The following DENND3 variants were observed in gnomAD, a reference collection of about 807,000 sequenced individuals.
DENND3 encodes DENN domain containing 3.
Under a neutral mutation model 135.1 loss-of-function variants are expected in DENND3, and 88 were observed. The observed-to-expected ratio is 0.65, with a 90% CI of 0.55 to 0.78. The LOEUF (loss-of-function observed/expected upper bound fraction) is 0.78, where lower values mean the gene tolerates loss of function less well. Ranked by LOEUF, DENND3 falls within the 30% of genes least tolerant of loss-of-function variation. DENND3 has a pLI of 0.00. For missense variants in DENND3, 1,392 were observed against 1,688.4 expected (o/e 0.82, Z 3.08); for synonymous variants, 693 against 712.3 (o/e 0.97, Z 0.43).
In DENND3 at chr8:141,175,395, G is replaced by T. The variant is rs768943418; in HGVS notation, c.2471G>T (p.Arg824Leu). 4.3e-6 allele frequency: 7 copies of T among 1,614,144 alleles called. No individual in the cohort carries two copies. The highest frequency in any genetic ancestry group is 5.9e-6 in the Non-Finnish European group (7 of 1,180,024). ...GVGKIAMTQK[R>L]LFLLTEGRPG... ...GGCAAGATCGCCATGACCCAGAAGC[G>T]CCTGTTCCTCCTAACCGAAGGAAGG... is the stretch of plus-strand genomic sequence containing the variant. Residue 824 changes from arginine (R) to leucine (L), a missense_variant, in exon 14 of 23, where the codon CGC becomes CTC. Coordinates refer to ENST00000519811, the MANE Select transcript of DENND3 (RefSeq NM_001352890.3). The surrounding 1 kb of genome is among the most constrained non-coding windows in gnomAD (Gnocchi z 5.4).
In DENND3 at chr8:141,188,907, C is replaced by G. The variant is rs752998857; in HGVS notation, c.3085-79C>G. The stretch of plus-strand genomic sequence containing the variant: ...TGGTTCCATATCCGCTAATTCAGCA[C>G]GTGCAGTAAATGTATAGAATATGAC... On this transcript the variant is annotated intron_variant, in intron 18 of 22. Coordinates refer to ENST00000519811, the MANE Select transcript of DENND3 (RefSeq NM_001352890.3). 2.6e-6 allele frequency: 4 copies of G among 1,522,428 alleles called. No homozygotes were observed. The East Asian group carries it at 9.3e-5, about 36-fold the overall frequency. 94.3% of individuals were successfully genotyped at this position (1,522,428 alleles called of 1,614,324 possible).
chr8:141,192,753 C>G, intron 22 of DENND3, 90 bp downstream of exon 22: 1 of 1,607,048 alleles, frequency 6.2e-7, no homozygotes, highest in African/African-American at 1.3e-5. Context: ...CAGCCGCACG[C>G]CCTCGTGCCC....
At chr8:141,186,126 T>G (rs149847425) in intron 18 of DENND3, among the ~76,000 whole-genome samples, 356 of 151,940 alleles carry the variant, frequency 2.3e-3, no homozygotes, top group Non-Finnish European at 4.1e-3. Flanking sequence ...TTTGTAGAGA[T>G]GAGGTTTTGC....
chr8:141,155,910 C>T lies in DENND3; in HGVS notation c.1136C>T (p.Thr379Met), dbSNP rs369314599. ...GGGAGCATCACCTACTCCAAGTCCA[C>T]GGACGATAACGTGGACATTCCTGAT... ...DHGSITYSKSTDDNVDIPDVP... is the reference protein window; with the variant it reads ...DHGSITYSKSMDDNVDIPDVP... Residue 379 changes from threonine (T) to methionine (M), a missense_variant, in exon 8 of 23, where the codon ACG becomes ATG. Physicochemically the swap from Thr to Met is moderately conservative, Grantham distance 81. Transcript: ENST00000519811. The T allele has an allele frequency of 2.2e-5, 35 of 1,612,308 alleles. No individual in the cohort carries two copies. The highest frequency in any genetic ancestry group is 2.7e-5 in the African/African-American group (2 of 74,864).
chr8:141,151,184 G>A (rs1239371409), intron 6 of DENND3, among the ~76,000 whole-genome samples: 1 of 152,218 alleles, frequency 6.6e-6, no homozygotes, highest in African/African-American at 2.4e-5. Context: ...TGGAGCTGAG[G>A]GACCAGGGAA....
Position 141,189,443 on chromosome 8 carries a change from C to T in DENND3, c.3245+297C>T, listed in dbSNP as rs117134706. Among the ~76,000 whole-genome samples, 127 of 152,370 alleles carry T rather than the reference C, an allele frequency of 8.3e-4. 3 individuals are homozygous for T. In the East Asian group the frequency reaches 0.02, roughly 24 times the overall value. ...GCAGCCCCGAGAGGGCACAGCCTCC[C>T]AGAGGTGCACCAGCCATGGTGTCAG... On this transcript the variant is annotated intron_variant, in intron 19 of 22. Transcript: ENST00000519811.
Position 141,178,193 on chromosome 8 carries a change from G to T in DENND3, c.2833G>T (p.Glu945Ter). ...KLSYFDKMSN[E>*]MPMTLPETTL... ...ATCCTACTTTGATAAGATGAGTAACGAAAGTAAGATAAGCCCGTTCTTAGC... is the reference window on the plus strand; with the variant it reads ...ATCCTACTTTGATAAGATGAGTAACTAAAGTAAGATAAGCCCGTTCTTAGC... The change falls in exon 16 of 23, where the codon GAA (glutamate) becomes TAA (stop). Residue 945 changes from glutamate (E) to a stop codon, truncating the protein, a stop_gained. Transcript: ENST00000519811. LOFTEE classifies it high-confidence loss of function. 6.2e-7 allele frequency: 1 copy of T among 1,609,120 alleles called. No individual in the cohort carries two copies. The highest frequency in any genetic ancestry group is 8.5e-7 in the Non-Finnish European group (1 of 1,175,686).
Position 141,175,914 on chromosome 8 carries a change from A to G in DENND3, c.2535+455A>G, listed in dbSNP as rs1029104753. 2.4e-5 allele frequency: 5 copies of G among 209,810 alleles called. No homozygotes were observed. Among genetic ancestry groups the G allele is most frequent in the Admixed American group, 5.4e-5 (1 of 18,640 alleles). 13.0% of individuals were successfully genotyped at this position (209,810 alleles called of 1,614,324 possible). On this transcript the variant is annotated intron_variant, in intron 14 of 22. Coordinates refer to ENST00000519811, the MANE Select transcript of DENND3 (RefSeq NM_001352890.3). The surrounding 1 kb of genome is among the most constrained non-coding windows in gnomAD (Gnocchi z 5.4). Reference sequence around the variant, plus strand: ...TAACAAGCTTATTTTATAACAATTAAAAAATCTTCAAACAGTTTTAACATT... The same window carrying G: ...TAACAAGCTTATTTTATAACAATTAGAAAATCTTCAAACAGTTTTAACATT...
At chr8:141,165,361 G>C in intron 11 of DENND3, 72 bp downstream of exon 11, 1 of 1,230,068 alleles carries the variant, frequency 8.1e-7, no homozygotes, top group Non-Finnish European at 1.2e-6. Flanking sequence ...AGTTTTATTC[G>C]AATGAGTAAA....
rs972200247 is a variant in DENND3, at chr8:141,138,467, C to G, written c.501+330C>G. ...GTGGCACCATCTCAGCTCACTGCAA[C>G]CTCCTTCTCCTGGGTTCAAGTGGTT... On this transcript the variant is annotated intron_variant, in intron 3 of 22. Coordinates refer to ENST00000519811, the MANE Select transcript of DENND3 (RefSeq NM_001352890.3). The surrounding 1 kb of genome is among the most constrained non-coding windows in gnomAD (Gnocchi z 4.8). 6.6e-6 allele frequency among the ~76,000 whole-genome samples: 1 copy of G among 152,026 alleles called. No homozygotes were observed. Among genetic ancestry groups the G allele is most frequent in the Non-Finnish European group, 1.5e-5 (1 of 68,018 alleles).
chr8:141,163,313 ACT>A lies in DENND3; in HGVS notation c.1353-15_1353-14del, dbSNP rs1163878300. ...TATTTAAGAAAGTTTTAGCACTCAGACTCTCTTTCTCTTTGTTAGGGATGTAA... is the reference window on the plus strand; with the variant it reads ...TATTTAAGAAAGTTTTAGCACTCAGACTCTTTCTCTTTGTTAGGGATGTAA... On this transcript the variant is annotated intron_variant, in intron 9 of 22. Coordinates refer to ENST00000519811, the MANE Select transcript of DENND3 (RefSeq NM_001352890.3). The A allele has an allele frequency of 1.4e-6, 2 of 1,471,414 alleles. No individual in the cohort carries two copies. Among genetic ancestry groups the A allele is most frequent in the East Asian group, 2.3e-5 (1 of 43,670 alleles). The allele number at this position is 1,471,414 out of a possible 1,614,324, so 91.1% of individuals were successfully genotyped here. A position where few individuals can be genotyped will look rare whatever the true frequency, so the allele number is the denominator to read the frequency against.
At position 141,143,469 on chromosome 8, in the gene DENND3, A is replaced by G. The variant is rs149546162; in HGVS notation, c.624-679A>G. Among the ~76,000 whole-genome samples the G allele has an allele frequency of 8.5e-3, 1,288 of 152,276 alleles. 22 individuals are homozygous for G. The highest frequency in any genetic ancestry group is 0.029 in the African/African-American group (1,209 of 41,538). ...ACTGAGGCTGCGGTGCAGTGCCGCT[A>G]TCATAGCTCACTGCATCCTCAAACT... On this transcript the variant is annotated intron_variant, in intron 4 of 22. Transcript: ENST00000519811.
intron 18 of DENND3, among the ~76,000 whole-genome samples, chr8:141,187,226 T>C (rs1824008600): frequency 1.3e-5 from 2 of 151,736 alleles, no homozygotes; most frequent in South Asian, 4.2e-4. Context: ...GTGGAGTATA[T>C]ACCTAAGTAT....
Position 141,154,173 on chromosome 8 carries a change from CA to C in DENND3, c.1075-1673del, listed in dbSNP as rs1456828185. Among the ~76,000 whole-genome samples the C allele has an allele frequency of 6.6e-6, 1 of 152,244 alleles. No homozygotes were observed. The highest frequency in any genetic ancestry group is 6.5e-5 in the Admixed American group (1 of 15,286). On this transcript the variant is annotated intron_variant, in intron 7 of 22. Coordinates refer to ENST00000519811, the MANE Select transcript of DENND3 (RefSeq NM_001352890.3). This position sits in a 1 kb window ranked among gnomAD's most constrained non-coding sequence, Gnocchi z 4.4. ...TCATGTAGCCACCTGAACTGCACTCCAAAGGGCGGGGCCCAGAATGAGAGCC... is the reference window on the plus strand; with the variant it reads ...TCATGTAGCCACCTGAACTGCACTCCAAGGGCGGGGCCCAGAATGAGAGCC...
chr8:141,153,050 G>A (rs997929514), intron 7 of DENND3, among the ~76,000 whole-genome samples: 1 of 151,690 alleles, frequency 6.6e-6, no homozygotes, highest in Non-Finnish European at 1.5e-5. Context: ...GGTTTGTACA[G>A]GGTCGGTTTA....
At chr8:141,178,823 C>A (rs1245880414) in intron 16 of DENND3, among the ~76,000 whole-genome samples, 1 of 152,084 alleles carries the variant, frequency 6.6e-6, no homozygotes, top group Non-Finnish European at 1.5e-5. Context: ...CCATTTTTTT[C>A]TTGTGAAAGG....
In DENND3 at chr8:141,139,259, G is replaced by A. The variant is rs902099494; in HGVS notation, c.501+1122G>A. On this transcript the variant is annotated intron_variant, in intron 3 of 22. Coordinates refer to ENST00000519811, the MANE Select transcript of DENND3 (RefSeq NM_001352890.3). This position sits in a 1 kb window ranked among gnomAD's most constrained non-coding sequence, Gnocchi z 4.2. ...TTGGTAGAAGCGTGCTTACACATGT[G>A]ACATTGAGTGTTGGGAGGCGTGAGG... Among the ~76,000 whole-genome samples, 3 of 152,210 alleles carry A rather than the reference G, an allele frequency of 2.0e-5. No homozygotes were observed. The highest frequency in any genetic ancestry group is 2.9e-5 in the Non-Finnish European group (2 of 68,042).
rs765247323 is a variant in DENND3, at chr8:141,168,168, T to C, written c.1918T>C (p.Leu640=). Residue 640 remains leucine (L), a synonymous_variant, in exon 13 of 23, where the codon TTG becomes CTG. Coordinates refer to ENST00000519811, the MANE Select transcript of DENND3 (RefSeq NM_001352890.3). This position sits in a 1 kb window ranked among gnomAD's most constrained non-coding sequence, Gnocchi z 6.2. The part of the protein sequence containing the change: ...PDNSLLLARY[L]YLRGLVYLMQ... ...TAACTCTCTGCTCCTGGCCCGCTAT[T>C]TGTACCTCCGAGGGCTCGTTTATCT... The C allele has an allele frequency of 3.1e-6, 5 of 1,614,208 alleles. No individual in the cohort carries two copies. In the South Asian group the frequency reaches 5.5e-5, roughly 18 times the overall value.
chr8:141,176,846 C>A, intron 15 of DENND3, 85 bp downstream of exon 15: 1 of 1,497,174 alleles, frequency 6.7e-7, no homozygotes, highest in Non-Finnish European at 9.1e-7. Flanking sequence ...CAGTCCTCAG[C>A]TGTGAGTGCT....
Sources: gnomAD v4.1 joint callset for allele counts (sites outside exome capture counted in the v4.1 genomes callset) on GRCh38, gnomAD v4.1.1 for gene constraint, Gnocchi (gnomAD v3.1) non-coding constraint, MANE v1.5 for transcripts, NCBI Gene and HGNC (gene_info 2026-07-23, HGNC 2026-07-21) for gene names.